The following AMACR variants were observed in gnomAD, a reference collection of about 807,000 sequenced individuals.
The protein encoded by AMACR is 2-methylacyl-CoA racemase.
In AMACR, 18 loss-of-function variants were observed where a neutral mutation model predicts 22.2. That is an observed-to-expected ratio of 0.81 (90% CI 0.56 to 1.20). The LOEUF is 1.20. Among genes scored for constraint, AMACR ranks in the 50% most tolerant of loss-of-function variants. AMACR has a pLI of 0.00. For synonymous variants in AMACR, 213 were observed against 191.3 expected, an observed-to-expected ratio of 1.11 and a Z score of -0.94; for missense variants, 499 against 490.6, an observed-to-expected ratio of 1.02 and a Z score of -0.16.
chr5:33,992,712 AAAAAT>A (rs1753521779), intron 4 of AMACR, among the ~76,000 whole-genome samples: 1 of 152,230 alleles, frequency 6.6e-6, no homozygotes, highest in Non-Finnish European at 1.5e-5. Context: ...CTTGTCTCAA[AAAAAT>A]AAAATAGAAT....
intron 1 of AMACR, 110 bp from the exon 2 acceptor site, chr5:34,006,009 T>C (rs1753965852): frequency 7.5e-7 from 1 of 1,326,438 alleles, no homozygotes; most frequent in Non-Finnish European, 1.1e-6. Context: ...ATTAATAACA[T>C]TTGCTGTAGG....
Position 33,988,938 on chromosome 5 carries a change from T to C in AMACR, c.*155A>G. On this transcript the variant is annotated 3_prime_UTR_variant, in exon 5 of 5. Transcript: ENST00000335606. ...AATGATAACCATTTTTAGAATTCAATCATCACTGTAGAATCAGAGTCTGTA... is the reference window on the plus strand; with the variant it reads ...AATGATAACCATTTTTAGAATTCAACCATCACTGTAGAATCAGAGTCTGTA... The C allele has an allele frequency of 6.9e-7, 1 of 1,453,820 alleles. No individual in the cohort carries two copies. Among genetic ancestry groups the C allele is most frequent in the Non-Finnish European group, 9.0e-7 (1 of 1,108,798 alleles). The allele number at this position is 1,453,820 out of a possible 1,614,324, so 90.1% of individuals were successfully genotyped here.
chr5:33,989,432 C>A lies in AMACR; in HGVS notation c.810G>T (p.Lys270Asn). The A allele has an allele frequency of 6.2e-7, 1 of 1,614,096 alleles. No individual in the cohort carries two copies. Among genetic ancestry groups the A allele is most frequent in the Non-Finnish European group, 8.5e-7 (1 of 1,179,932 alleles). The change falls in exon 5 of 5, where the codon AAG becomes AAT. Residue 270 changes from lysine (K) to asparagine (N), a missense_variant. Lys to Asn is a moderately conservative substitution (Grantham distance 94). Coordinates refer to ENST00000335606, the MANE Select transcript of AMACR (RefSeq NM_014324.6). ...TCTTCTCTGCAAATACATCTGCAAACTTCTTCTTCATTTCTGGCCAATCAT... is the reference window on the plus strand; with the variant it reads ...TCTTCTCTGCAAATACATCTGCAAAATTCTTCTTCATTTCTGGCCAATCAT... ...SMDDWPEMKK[K>N]FADVFAEKTK...
At chr5:34,007,357 G>C (rs1754013712) in intron 1 of AMACR, among the ~76,000 whole-genome samples, 1 of 152,190 alleles carries the variant, frequency 6.6e-6, no homozygotes, top group African/African-American at 2.4e-5. Context: ...CCCGTGGATG[G>C]CTTGAGGGTA....
Position 33,988,939 on chromosome 5 carries a change from C to A in AMACR, c.*154G>T. ...ATGATAACCATTTTTAGAATTCAAT[C>A]ATCACTGTAGAATCAGAGTCTGTAA... On this transcript the variant is annotated 3_prime_UTR_variant, in exon 5 of 5. Coordinates refer to ENST00000335606, the MANE Select transcript of AMACR (RefSeq NM_014324.6). 1 of 1,453,250 alleles carries A rather than the reference C, an allele frequency of 6.9e-7. No homozygotes were observed. Among genetic ancestry groups the A allele is most frequent in the Non-Finnish European group, 9.0e-7 (1 of 1,108,332 alleles). 90.0% of individuals were successfully genotyped at this position (1,453,250 alleles called of 1,614,324 possible).
intron 3 of AMACR, 53 bp from the exon 4 acceptor site, chr5:33,998,880 T>C (rs1753724106): frequency 6.4e-7 from 1 of 1,559,482 alleles, no homozygotes; most frequent in African/African-American, 1.4e-5. Flanking sequence ...TGTCAAAGCA[T>C]GAATAATTCC....
chr5:34,001,752 G>C (rs1297395911), intron 3 of AMACR, among the ~76,000 whole-genome samples: 7 of 152,166 alleles, frequency 4.6e-5, no homozygotes, highest in Admixed American at 3.9e-4. Context: ...GCAGGCCCAG[G>C]TCTGGAATTC....
chr5:33,997,620 T>A, intron 4 of AMACR: 1 of 717,360 alleles, frequency 1.4e-6, no homozygotes, highest in South Asian at 1.6e-5. Flanking sequence ...CAGAGCATCA[T>A]GAGCAGCCAG....
intron 4 of AMACR, chr5:33,997,858 T>C: frequency 3.1e-6 from 1 of 326,018 alleles, no homozygotes; most frequent in Non-Finnish European, 5.5e-6. Flanking sequence ...TTAAAAAAAG[T>C]CATTCCAGCT....
In AMACR at chr5:33,987,931, G is replaced by A. The variant is rs1326241731; in HGVS notation, c.*1162C>T. 2 of 163,106 alleles carry A rather than the reference G, an allele frequency of 1.2e-5. No homozygotes were observed. The highest frequency in any genetic ancestry group is 2.0e-4 in the South Asian group (1 of 4,946). 10.1% of individuals were successfully genotyped at this position (163,106 alleles called of 1,614,324 possible). A position where few individuals can be genotyped will look rare whatever the true frequency, so the allele number is the denominator to read the frequency against. ...CCTAAGCCACCATGAAAAAATCACT[G>A]AGGCGCTAAGGGAAACATGAACTAA... On this transcript the variant is annotated 3_prime_UTR_variant, in exon 5 of 5. Coordinates refer to ENST00000335606, the MANE Select transcript of AMACR (RefSeq NM_014324.6).
chr5:33,994,246 C>T (rs1753569706), intron 4 of AMACR: 1 of 309,268 alleles, frequency 3.2e-6, no homozygotes. Context: ...GTGATGCGAT[C>T]TCAGTGCACT....
Position 34,007,936 on chromosome 5 carries a change from C to T in AMACR, c.84G>A (p.Gly28=). The T allele has an allele frequency of 1.2e-6, 2 of 1,610,756 alleles. No homozygotes were observed. Among genetic ancestry groups the T allele is most frequent in the Non-Finnish European group, 1.7e-6 (2 of 1,179,592 alleles). ...GCCGGTCCACGCGTACCACACGCGC[C>T]CCGAAGTCAGCCAGGACCATAGCAC... ...PFCAMVLADF[G]ARVVRVDRPG... Residue 28 remains glycine (G), a synonymous_variant, in exon 1 of 5, where the codon GGG becomes GGA. Transcript: ENST00000335606.
intron 1 of AMACR, among the ~76,000 whole-genome samples, chr5:34,006,888 G>C (rs193026277): frequency 1.3e-5 from 2 of 152,342 alleles, no homozygotes; most frequent in East Asian, 3.9e-4. Context: ...AGCTGTCTGA[G>C]AATCCACTGG....
intron 3 of AMACR, among the ~76,000 whole-genome samples, chr5:34,002,050 G>T (rs1187303110): frequency 6.6e-6 from 1 of 152,220 alleles, no homozygotes; most frequent in Non-Finnish European, 1.5e-5. Flanking sequence ...AGGCTGAAGT[G>T]TAGTAGTGTG....
In AMACR at chr5:34,004,633, T is replaced by A. The variant is rs749834940; in HGVS notation, c.493A>T (p.Ile165Leu). 1 of 1,614,224 alleles carries A rather than the reference T, an allele frequency of 6.2e-7. No individual in the cohort carries two copies. Among genetic ancestry groups the A allele is most frequent in the South Asian group, 1.1e-5 (1 of 91,086 alleles). ...CGTGTGCGGTCAAAAAGAGCCATTATAATGCCCAGTGCACACATAAGGCCA... is the reference window on the plus strand; with the variant it reads ...CGTGTGCGGTCAAAAAGAGCCATTAAAATGCCCAGTGCACACATAAGGCCA... ...GGGLMCALGI[I>L]MALFDRTRTG... The change falls in exon 3 of 5, where the codon ATA becomes TTA. Residue 165 changes from isoleucine to leucine, a missense_variant. By Grantham distance (5) the Ile-to-Leu change is conservative. Coordinates refer to ENST00000335606, the MANE Select transcript of AMACR (RefSeq NM_014324.6).
chr5:33,998,300 G>A (rs1462031259), intron 4 of AMACR, among the ~76,000 whole-genome samples: 1 of 152,172 alleles, frequency 6.6e-6, no homozygotes, highest in African/African-American at 2.4e-5. Flanking sequence ...AATATTGAAT[G>A]GAAAGCAACC....
chr5:34,005,986 C>A, intron 1 of AMACR, 87 bp from the exon 2 acceptor site: 1 of 1,464,858 alleles, frequency 6.8e-7, no homozygotes, highest in Non-Finnish European at 9.5e-7. Context: ...AAAATAGCAC[C>A]ATTGCAAGTA....
chr5:34,004,691 G>A lies in AMACR; in HGVS notation c.435C>T (p.Ala145=), dbSNP rs1753919557. 3.1e-6 allele frequency: 5 copies of A among 1,614,002 alleles called. No homozygotes were observed. The highest frequency in any genetic ancestry group is 4.2e-6 in the Non-Finnish European group (5 of 1,180,032). ...CAAAGTCAGCCAGGAGATTCAGCGG[G>A]GCATACGGATTCTCACCACTTCTGC... ...KIGRSGENPY[A]PLNLLADFAG... Residue 145 remains alanine, a synonymous_variant, in exon 3 of 5, where the codon GCC becomes GCT. Coordinates refer to ENST00000335606, the MANE Select transcript of AMACR (RefSeq NM_014324.6).
chr5:33,987,037 A>G lies in AMACR; in HGVS notation c.*2056T>C, dbSNP rs1303889181. 3 of 152,202 alleles carry G rather than the reference A, an allele frequency of 2.0e-5. No homozygotes were observed. The East Asian group carries it at 5.8e-4, about 29-fold the overall frequency. 9.4% of individuals were successfully genotyped at this position (152,202 alleles called of 1,614,324 possible). A position where few individuals can be genotyped will look rare whatever the true frequency, so the allele number is the denominator to read the frequency against. On this transcript the variant is annotated 3_prime_UTR_variant, in exon 5 of 5. Transcript: ENST00000335606. Reference sequence around the variant, plus strand: ...TTATTATTTTTATTTATTTATTTAGAGACAGGTTCTTGTTCTGTTGCCTGG... The same window carrying G: ...TTATTATTTTTATTTATTTATTTAGGGACAGGTTCTTGTTCTGTTGCCTGG...
Sources: gnomAD v4.1 joint callset for allele counts (sites outside exome capture counted in the v4.1 genomes callset) on GRCh38, gnomAD v4.1.1 for gene constraint, MANE v1.5 for transcripts, NCBI Gene and HGNC (gene_info 2026-07-23, HGNC 2026-07-21) for gene names.